Variants in GCKR observed in about 807,000 individuals in gnomAD.
GCKR encodes the protein glucokinase regulatory protein.
GCKR carries 73 observed loss-of-function variants against 82.9 expected under a neutral mutation model. That is an observed-to-expected ratio of 0.88 (90% CI 0.73 to 1.07). GCKR has a LOEUF of 1.07. Among genes scored for constraint, GCKR ranks in the 50% least tolerant of loss-of-function variants. The pLI, the probability that GCKR is intolerant of heterozygous loss-of-function variation, is 0.00. For missense variants in GCKR, 784 were observed against 782.1 expected (o/e 1.00, Z -0.03); for synonymous variants, 294 against 291.8 (o/e 1.01, Z -0.08).
chr2:27,497,563 G>C lies in GCKR; in HGVS notation c.218G>C (p.Arg73Thr). Residue 73 changes from arginine to threonine, a missense_variant and splice_region_variant, in exon 3 of 19, where the codon AGA becomes ACA. Coordinates refer to ENST00000264717, the MANE Select transcript of GCKR (RefSeq NM_001486.4). ...EEGQALSTYQ[R>T]LYSESILTTM... is the part of the protein sequence containing the mutation. ...CTCATTCCTGCATATTCCCTACAGAGACTCTACAGCGAATCCATTCTGACC... is the reference window on the plus strand; with the variant it reads ...CTCATTCCTGCATATTCCCTACAGACACTCTACAGCGAATCCATTCTGACC... 6.2e-7 allele frequency: 1 copy of C among 1,611,732 alleles called. No individual in the cohort carries two copies. The highest frequency in any genetic ancestry group is 8.5e-7 in the Non-Finnish European group (1 of 1,177,828).
chr2:27,508,282 T>G, intron 16 of GCKR, 31 bp downstream of exon 16: 1 of 1,324,986 alleles, frequency 7.5e-7, no homozygotes, highest in Non-Finnish European at 1.1e-6. Context: ...CTATCTGCAG[T>G]AAGGGGCTCA....
intron 16 of GCKR, among the ~76,000 whole-genome samples, chr2:27,514,074 G>A (rs910707290): frequency 1.3e-5 from 2 of 151,708 alleles, no homozygotes; most frequent in African/African-American, 4.8e-5. Context: ...TCTTGTTAGT[G>A]GGTTCTAGTA....
chr2:27,515,765 ATTTTTTT>A (rs60183178), intron 16 of GCKR, among the ~76,000 whole-genome samples: 15 of 106,922 alleles, frequency 1.4e-4, no homozygotes, highest in African/African-American at 4.9e-4. Context: ...ATATATATAT[ATTTTTTT>A]TTTTTTTTTG....
At chr2:27,509,040 G>A (rs981464284) in intron 16 of GCKR, among the ~76,000 whole-genome samples, 1 of 152,098 alleles carries the variant, frequency 6.6e-6, no homozygotes, top group African/African-American at 2.4e-5. Flanking sequence ...TGTGGGCATT[G>A]GGAGCTCTGG....
chr2:27,518,955 C>CTGGTTGGT lies in GCKR; in HGVS notation c.1572+18_1572+19insTGGTTGGT. On this transcript the variant is annotated intron_variant, in intron 17 of 18. Transcript: ENST00000264717. Reference sequence around the variant, plus strand: ...TGCTGCAGGTAGGGATATGATGGGGCAGGGTTGGGTGGGACCTGGCCTCAA... The same window carrying CTGGTTGGT: ...TGCTGCAGGTAGGGATATGATGGGGCTGGTTGGTAGGGTTGGGTGGGACCTGGCCTCAA... 1 of 1,467,956 alleles carries CTGGTTGGT rather than the reference C, an allele frequency of 6.8e-7. No homozygotes were observed. 90.9% of individuals were successfully genotyped at this position (1,467,956 alleles called of 1,614,324 possible).
chr2:27,498,931 GC>G (rs1403365808), intron 5 of GCKR, 134 bp downstream of exon 5: 53 of 738,728 alleles, frequency 7.2e-5, no homozygotes, highest in Middle Eastern at 5.1e-4. Context: ...CTCACACTTG[GC>G]CCACTTCACA....
At chr2:27,506,113 C>T (rs1009858607) in intron 10 of GCKR, among the ~76,000 whole-genome samples, 1 of 152,100 alleles carries the variant, frequency 6.6e-6, no homozygotes, top group African/African-American at 2.4e-5. Flanking sequence ...TCCCTAGGGT[C>T]CTTTGATTTG....
rs12466018 is a variant in GCKR, at chr2:27,505,220, C to T, written c.751-498C>T. Among the ~76,000 whole-genome samples, 29 of 144,036 alleles carry T rather than the reference C, an allele frequency of 2.0e-4. 1 individual carries two copies. The highest frequency in any genetic ancestry group is 2.0e-3 in the Admixed American group (28 of 13,920). The allele number at this position is 144,036 out of a possible 152,430, so 94.5% of individuals were successfully genotyped here. The stretch of plus-strand genomic sequence containing the variant: ...GACCATCCTGGCTAACACGGTGAAA[C>T]CCCATCTCTACTAAAGATACAAAAA... On this transcript the variant is annotated intron_variant, in intron 9 of 18. Transcript: ENST00000264717.
chr2:27,498,429 C>T (rs1669477616), intron 4 of GCKR, 106 bp downstream of exon 4: 2 of 830,842 alleles, frequency 2.4e-6, no homozygotes, highest in South Asian at 1.4e-5. Context: ...CCTCACTAGA[C>T]CTGGACTCCA....
At position 27,523,293 on chromosome 2, in the gene GCKR, C is replaced by T. The variant is rs1208047419; in HGVS notation, c.1732C>T (p.Leu578Phe). The T allele has an allele frequency of 6.2e-7, 1 of 1,613,074 alleles. No homozygotes were observed. The highest frequency in any genetic ancestry group is 8.5e-7 in the Non-Finnish European group (1 of 1,179,872). ...EQVIPIALLS[L>F]LFRCSITEAQ... ...GGTGATACCCATCGCCTTGCTGAGCCTCCTATTCCGGTGCTCGATCACTGA... is the reference window on the plus strand; with the variant it reads ...GGTGATACCCATCGCCTTGCTGAGCTTCCTATTCCGGTGCTCGATCACTGA... Residue 578 changes from leucine to phenylalanine, a missense_variant, in exon 19 of 19, where the codon CTC becomes TTC. Coordinates refer to ENST00000264717, the MANE Select transcript of GCKR (RefSeq NM_001486.4).
chr2:27,515,616 C>T, intron 16 of GCKR, among the ~76,000 whole-genome samples: 1 of 151,956 alleles, frequency 6.6e-6, no homozygotes, highest in East Asian at 1.9e-4. Flanking sequence ...ATGTTTTCTG[C>T]TAGTAGAGAT....
At chr2:27,499,672 C>T (rs1669526046) in intron 7 of GCKR, among the ~76,000 whole-genome samples, 1 of 152,198 alleles carries the variant, frequency 6.6e-6, no homozygotes, top group Admixed American at 6.5e-5. Flanking sequence ...AATCAACAAC[C>T]AAGATAGGTG....
chr2:27,506,522 A>G lies in GCKR; in HGVS notation c.911A>G (p.Gln304Arg). Residue 304 changes from glutamine (Q) to arginine (R), a missense_variant, in exon 11 of 19, where the codon CAG becomes CGG. By Grantham distance (43) the Gln-to-Arg change is conservative. Transcript: ENST00000264717. ...EILRTFERAHQVTYSQSPKIA... is the reference protein window; with the variant it reads ...EILRTFERAHRVTYSQSPKIA... Reference sequence around the variant, plus strand: ...TTGCGGACATTTGAGCGAGCTCATCAGGTGACCTACAGCCAAAGCCCCAAG... The same window carrying G: ...TTGCGGACATTTGAGCGAGCTCATCGGGTGACCTACAGCCAAAGCCCCAAG... 2 of 1,613,964 alleles carry G rather than the reference A, an allele frequency of 1.2e-6. No individual in the cohort carries two copies. Among genetic ancestry groups the G allele is most frequent in the Non-Finnish European group, 1.7e-6 (2 of 1,179,842 alleles).
Position 27,501,173 on chromosome 2 carries a change from C to T in GCKR, c.588C>T (p.Asn196=), listed in dbSNP as rs1156763270. 1.9e-6 allele frequency: 3 copies of T among 1,614,094 alleles called. No homozygotes were observed. Among genetic ancestry groups the T allele is most frequent in the East Asian group, 4.5e-5 (2 of 44,886 alleles). ...FVAGQMDCCM[N]NTAVFLPVLV... is the part of the protein sequence containing the mutation. ...CAGGCCAGATGGACTGCTGCATGAA[C>T]AACACAGCTGTCTTCTTGCCAGTCC... Residue 196 remains asparagine, a synonymous_variant, in exon 8 of 19, where the codon AAC becomes AAT. Coordinates refer to ENST00000264717, the MANE Select transcript of GCKR (RefSeq NM_001486.4).
chr2:27,502,250 A>T (rs1284084522), intron 8 of GCKR, among the ~76,000 whole-genome samples: 1 of 152,204 alleles, frequency 6.6e-6, no homozygotes, highest in East Asian at 1.9e-4. Flanking sequence ...GATCCTTTTC[A>T]TGGAGGGCTC....
chr2:27,502,156 C>G (rs1265678459), intron 8 of GCKR, among the ~76,000 whole-genome samples: 1 of 152,142 alleles, frequency 6.6e-6, no homozygotes, highest in African/African-American at 2.4e-5. Flanking sequence ...TGGGTTTTTC[C>G]AAGGTGCTTT....
At chr2:27,513,436 G>A (rs548262049) in intron 16 of GCKR, among the ~76,000 whole-genome samples, 44 of 151,820 alleles carry the variant, frequency 2.9e-4, no homozygotes, top group South Asian at 2.3e-3. Context: ...AGGCTGAGTC[G>A]GAGAATTGTT....
At chr2:27,511,711 TA>T (rs991041614) in intron 16 of GCKR, among the ~76,000 whole-genome samples, 6 of 151,812 alleles carry the variant, frequency 4.0e-5, no homozygotes, top group South Asian at 2.1e-4. Flanking sequence ...AAATTAAAAA[TA>T]AAAAAAAGAA....
intron 9 of GCKR, among the ~76,000 whole-genome samples, chr2:27,503,989 G>A (rs766016121): frequency 1.3e-5 from 2 of 152,226 alleles, no homozygotes; most frequent in African/African-American, 2.4e-5. Flanking sequence ...AAAATGGGGT[G>A]CAGTTTTGTT....
Sources: gnomAD v4.1 joint callset for allele counts (sites outside exome capture counted in the v4.1 genomes callset) on GRCh38, gnomAD v4.1.1 for gene constraint, MANE v1.5 for transcripts, NCBI Gene and HGNC (gene_info 2026-07-23, HGNC 2026-07-21) for gene names.